Variants in CSMD1 observed in about 807,000 individuals in gnomAD.
CSMD1 encodes CUB and sushi domain-containing protein 1.
A neutral mutation model predicts 417.5 loss-of-function variants in CSMD1; 213 were observed. The observed-to-expected ratio is 0.51, with a 90% confidence interval of 0.46 to 0.57. CSMD1 has a LOEUF of 0.57. Ranked by LOEUF, CSMD1 falls within the 20% of genes least tolerant of loss-of-function variation. The pLI, the probability that CSMD1 is intolerant of heterozygous loss-of-function variation, is 0.00. For missense variants in CSMD1, 6,923 were observed against 4,529.7 expected (o/e 1.53, Z -15.17); for synonymous variants, 2,862 against 1,736.8 (o/e 1.65, Z -16.11).
intron 12 of CSMD1, among the ~76,000 whole-genome samples, chr8:3,443,885 T>C (rs1296816903): frequency 6.6e-6 from 1 of 152,210 alleles, no homozygotes; most frequent in Non-Finnish European, 1.5e-5. Context: ...TTCACGTCTG[T>C]GTTGTAAGAT....
chr8:3,231,332 G>C (rs1798822533), intron 26 of CSMD1, among the ~76,000 whole-genome samples: 1 of 151,928 alleles, frequency 6.6e-6, no homozygotes, highest in Non-Finnish European at 1.5e-5. Context: ...TCTCTGCAAA[G>C]TACTTCACTG....
Position 4,162,844 on chromosome 8 carries a change from T to C in CSMD1, c.416-130745A>G, listed in dbSNP as rs187434808. On this transcript the variant is annotated intron_variant, in intron 3 of 69. Coordinates refer to ENST00000635120, the MANE Select transcript of CSMD1 (RefSeq NM_033225.6). ...AATATATAATGCTATGTGTTCACCA[T>C]TGCAGTATCACACTGAGTAGTTTCC... Among the ~76,000 whole-genome samples the C allele has an allele frequency of 3.2e-3, 482 of 152,312 alleles. 2 individuals are homozygous for C. Among genetic ancestry groups the C allele is most frequent in the Non-Finnish European group, 4.6e-3 (312 of 68,032 alleles).
intron 3 of CSMD1, among the ~76,000 whole-genome samples, chr8:4,196,690 G>C (rs904821883): frequency 2.6e-5 from 4 of 152,104 alleles, no homozygotes; most frequent in Non-Finnish European, 2.9e-5. Flanking sequence ...CTGCTTTTAA[G>C]AGTTCACATA....
In CSMD1 at chr8:3,219,356, G is replaced by A; in HGVS notation, c.4571C>T (p.Ser1524Phe). 8 of 1,573,928 alleles carry A rather than the reference G, an allele frequency of 5.1e-6. No individual in the cohort carries two copies. The highest frequency in any genetic ancestry group is 6.0e-6 in the Non-Finnish European group (7 of 1,158,640). Residue 1524 changes from serine to phenylalanine, a missense_variant, in exon 29 of 70, where the codon TCT (serine) becomes TTT (phenylalanine). Ser to Phe is a radical substitution (Grantham distance 155). Transcript: ENST00000635120. ...ACTCTCTATTCTTTCTGGGGCCTGA[G>A]AGCCCTGGTAACTCCCAATGAGGGG... is the stretch of plus-strand genomic sequence containing the variant. Reference protein sequence around the residue: ...NSPLIGSYQGSQAPERIESSG... With the variant: ...NSPLIGSYQGFQAPERIESSG...
chr8:3,144,177 C>T (rs1008590641), intron 40 of CSMD1, among the ~76,000 whole-genome samples: 5 of 152,092 alleles, frequency 3.3e-5, no homozygotes, highest in South Asian at 2.1e-4. Context: ...CAAACTAAGG[C>T]TCTGAAATGT....
chr8:3,258,095 G>A (rs1345075313), intron 26 of CSMD1, among the ~76,000 whole-genome samples: 1 of 152,070 alleles, frequency 6.6e-6, no homozygotes. Context: ...TGTCCAATAA[G>A]GTTTCTGGAT....
At chr8:4,958,246 G>A (rs1007041824) in intron 1 of CSMD1, among the ~76,000 whole-genome samples, 3 of 152,102 alleles carry the variant, frequency 2.0e-5, no homozygotes, top group Non-Finnish European at 4.4e-5. Flanking sequence ...TATTCAATAT[G>A]AGATTAGAAA....
In CSMD1 at chr8:3,903,317, A is replaced by C. The variant is rs190691673; in HGVS notation, c.818+94586T>G. On this transcript the variant is annotated intron_variant, in intron 5 of 69. Transcript: ENST00000635120. The stretch of plus-strand genomic sequence containing the variant: ...GTTTTTAGAATATCCAGGATGAATT[A>C]ATCTGTCCAGCTAAAAAAAAAAAAT... Among the ~76,000 whole-genome samples, 286 of 82,686 alleles carry C rather than the reference A, an allele frequency of 3.5e-3. 1 individual carries two copies. Among genetic ancestry groups the C allele is most frequent in the African/African-American group, 0.014 (268 of 18,786 alleles). 54.2% of individuals were successfully genotyped at this position (82,686 alleles called of 152,430 possible).
chr8:3,547,435 C>G (rs900154736), intron 10 of CSMD1, among the ~76,000 whole-genome samples: 1 of 152,132 alleles, frequency 6.6e-6, no homozygotes, highest in Non-Finnish European at 1.5e-5. Context: ...TGTACATATA[C>G]AGATGTATAA....
chr8:4,518,275 C>G (rs1210751092), intron 2 of CSMD1, among the ~76,000 whole-genome samples: 1 of 152,086 alleles, frequency 6.6e-6, no homozygotes, highest in African/African-American at 2.4e-5. Flanking sequence ...CAGCATCCGA[C>G]GCCCAGCAGC....
At chr8:4,357,862 C>T (rs1256367197) in intron 3 of CSMD1, among the ~76,000 whole-genome samples, 1 of 151,576 alleles carries the variant, frequency 6.6e-6, no homozygotes, top group Non-Finnish European at 1.5e-5. Flanking sequence ...TAAAATTTAT[C>T]ATATTTTAAT....
At chr8:4,819,291 C>T (rs1436186280) in intron 1 of CSMD1, among the ~76,000 whole-genome samples, 1 of 152,136 alleles carries the variant, frequency 6.6e-6, no homozygotes, top group Non-Finnish European at 1.5e-5. Context: ...AAAACTTGTT[C>T]ATATGATTTA....
intron 50 of CSMD1, among the ~76,000 whole-genome samples, chr8:3,041,045 A>G (rs796991669): frequency 6.6e-6 from 1 of 152,170 alleles, no homozygotes; most frequent in African/African-American, 2.4e-5. Flanking sequence ...TAAATTATCA[A>G]TATTTCTGTA....
chr8:3,369,722 C>T lies in CSMD1; in HGVS notation c.2783-352G>A, dbSNP rs184456060. ...CTTCATTGAGTTCAAATCCCCTCAA[C>T]AAACCATGTCATGTTCAAACACTCA... On this transcript the variant is annotated intron_variant, in intron 18 of 69. Transcript: ENST00000635120. Among the ~76,000 whole-genome samples, 6 of 152,292 alleles carry T rather than the reference C, an allele frequency of 3.9e-5. No homozygotes were observed. In the East Asian group the frequency reaches 7.7e-4, roughly 20 times the overall value.
chr8:4,783,755 G>C (rs1001603091), intron 1 of CSMD1, among the ~76,000 whole-genome samples: 4 of 152,142 alleles, frequency 2.6e-5, no homozygotes, highest in Non-Finnish European at 5.9e-5. Flanking sequence ...CTTTCTAGTA[G>C]GTCATCCAGC....
intron 1 of CSMD1, among the ~76,000 whole-genome samples, chr8:4,799,597 T>TTAAAA (rs1798167299): frequency 5.8e-5 from 1 of 17,144 alleles, no homozygotes; most frequent in Non-Finnish European, 1.1e-4. Context: ...AGACTCCGTC[T>TTAAAA]CAAAAAAAAA....
intron 5 of CSMD1, among the ~76,000 whole-genome samples, chr8:3,884,380 C>T (rs1308233469): frequency 1.3e-5 from 2 of 152,148 alleles, no homozygotes; most frequent in African/African-American, 4.8e-5. Context: ...TGACATGGTG[C>T]TTGCCAAAAG....
intron 12 of CSMD1, among the ~76,000 whole-genome samples, chr8:3,426,411 A>G (rs1488986680): frequency 1.3e-5 from 2 of 152,150 alleles, no homozygotes; most frequent in East Asian, 3.9e-4. Flanking sequence ...GACTTCTCTA[A>G]CTTTGCTTTT....
At chr8:3,751,107 T>C (rs1172225275) in intron 6 of CSMD1, among the ~76,000 whole-genome samples, 2 of 152,080 alleles carry the variant, frequency 1.3e-5, no homozygotes, top group Admixed American at 1.3e-4. Flanking sequence ...ATGAGGACCA[T>C]GTGGTAATGA....
Sources: allele counts gnomAD v4.1 joint callset (sites outside exome capture counted in the v4.1 genomes callset), GRCh38; gene constraint gnomAD v4.1.1; transcripts MANE v1.5; gene names NCBI Gene and HGNC (gene_info 2026-07-23, HGNC 2026-07-21).